Variants in RAPGEF5 observed in about 807,000 individuals in gnomAD.
The protein encoded by RAPGEF5 is M-Ras-regulated GEF.
RAPGEF5 carries 65 observed loss-of-function variants against 125.2 expected under a neutral mutation model. The ratio of observed to expected loss-of-function variants is 0.52; its 90% CI spans 0.43 to 0.64. RAPGEF5 has a LOEUF of 0.64. RAPGEF5 is among the 30% of genes least tolerant of loss of function. The pLI is 0.00. For missense variants in RAPGEF5, 958 were observed against 1,048.1 expected (o/e 0.91, Z 1.19); for synonymous variants, 391 against 385.9 (o/e 1.01, Z -0.16).
intron 7 of RAPGEF5, among the ~76,000 whole-genome samples, chr7:22,252,268 C>A (rs551085823): frequency 6.6e-6 from 1 of 152,290 alleles, no homozygotes; most frequent in East Asian, 1.9e-4. Context: ...GGCAACGTCA[C>A]CTTACTGGCA....
chr7:22,318,795 G>A (rs1017103075), intron 1 of RAPGEF5, among the ~76,000 whole-genome samples: 5 of 152,078 alleles, frequency 3.3e-5, no homozygotes, highest in African/African-American at 7.2e-5. Context: ...GCTGGGGTAC[G>A]CTCCTCTTTA....
At chr7:22,242,129 G>A (rs1313504434) in intron 7 of RAPGEF5, among the ~76,000 whole-genome samples, 1 of 152,214 alleles carries the variant, frequency 6.6e-6, no homozygotes, top group Non-Finnish European at 1.5e-5. Flanking sequence ...GCTGGGCTAG[G>A]TCTGAGAGGG....
At chr7:22,171,618 C>T (rs183289737) in intron 11 of RAPGEF5, among the ~76,000 whole-genome samples, 1 of 152,224 alleles carries the variant, frequency 6.6e-6, no homozygotes, top group East Asian at 1.9e-4. Flanking sequence ...CCGGCCTCAG[C>T]CTCCTGAGTA....
intron 11 of RAPGEF5, among the ~76,000 whole-genome samples, chr7:22,185,775 C>T (rs541597849): frequency 6.6e-6 from 1 of 152,176 alleles, no homozygotes; most frequent in Non-Finnish European, 1.5e-5. Context: ...CTGAGGCACA[C>T]CCAGGGCAGC....
chr7:22,199,478 T>C (rs1221010715), intron 9 of RAPGEF5, among the ~76,000 whole-genome samples: 2 of 140,336 alleles, frequency 1.4e-5, no homozygotes, highest in East Asian at 4.1e-4. Context: ...TAGACATGAA[T>C]TATAGACTTT....
Position 22,121,069 on chromosome 7 carries a change from G to A in RAPGEF5, c.*1337C>T, listed in dbSNP as rs1782566896. The A allele has an allele frequency of 1.3e-5, 2 of 152,128 alleles. No homozygotes were observed. Among genetic ancestry groups the A allele is most frequent in the Admixed American group, 6.5e-5 (1 of 15,270 alleles). The allele number at this position is 152,128 out of a possible 1,614,324, so 9.4% of individuals were successfully genotyped here. A position where few individuals can be genotyped will look rare whatever the true frequency, so the allele number is the denominator to read the frequency against. The stretch of plus-strand genomic sequence containing the variant: ...GGTGACAAGTATCTAGCAGGCAGGG[G>A]TGGATTTCATTATTTTGACCCATAG... On this transcript the variant is annotated 3_prime_UTR_variant, in exon 26 of 26. Transcript: ENST00000665637.
intron 6 of RAPGEF5, among the ~76,000 whole-genome samples, chr7:22,283,417 T>C (rs900982709): frequency 7.2e-5 from 11 of 152,242 alleles, no homozygotes; most frequent in Admixed American, 7.2e-4. Context: ...TAATTTTCAC[T>C]GTTTTATATG....
intron 23 of RAPGEF5, among the ~76,000 whole-genome samples, chr7:22,133,248 C>G (rs1339383819): frequency 6.6e-6 from 1 of 152,008 alleles, no homozygotes; most frequent in African/African-American, 2.4e-5. Context: ...AGGGTGCTGG[C>G]CAGGTGAGAG....
At position 22,118,316 on chromosome 7, in the gene RAPGEF5, A is replaced by G. The variant is rs1278125828; in HGVS notation, c.*4090T>C. ...AAGAGGCATGAATAGTGTCTTTAAC[A>G]TAGTCTCATATTTGGAAAAGCAGTT... On this transcript the variant is annotated 3_prime_UTR_variant, in exon 26 of 26. Transcript: ENST00000665637. 3.3e-5 allele frequency: 5 copies of G among 151,040 alleles called. No individual in the cohort carries two copies. The highest frequency in any genetic ancestry group is 2.1e-4 in the South Asian group (1 of 4,744). The allele number at this position is 151,040 out of a possible 1,614,324, so 9.4% of individuals were successfully genotyped here. A position where few individuals can be genotyped will look rare whatever the true frequency, so the allele number is the denominator to read the frequency against.
intron 6 of RAPGEF5, among the ~76,000 whole-genome samples, chr7:22,270,687 C>G (rs893490244): frequency 1.3e-5 from 2 of 152,216 alleles, no homozygotes; most frequent in African/African-American, 4.8e-5. Flanking sequence ...CCCTTCCCTA[C>G]TATAATCCTT....
chr7:22,133,947 A>G (rs1398320703), intron 23 of RAPGEF5, among the ~76,000 whole-genome samples: 1 of 152,222 alleles, frequency 6.6e-6, no homozygotes, highest in Non-Finnish European at 1.5e-5. Flanking sequence ...CTGACTTTCA[A>G]AAAATGCAAT....
intron 12 of RAPGEF5, among the ~76,000 whole-genome samples, chr7:22,163,333 G>A (rs749674883): frequency 2.0e-4 from 31 of 152,130 alleles, no homozygotes; most frequent in Admixed American, 1.0e-3. Flanking sequence ...TGCATTTAAC[G>A]GACTATTCAG....
At chr7:22,206,417 T>C (rs1361302573) in intron 9 of RAPGEF5, among the ~76,000 whole-genome samples, 1 of 152,146 alleles carries the variant, frequency 6.6e-6, no homozygotes, top group African/African-American at 2.4e-5. Flanking sequence ...AAAATCCAAG[T>C]GAGGCCAATC....
intron 6 of RAPGEF5, among the ~76,000 whole-genome samples, chr7:22,273,236 T>G (rs1411624448): frequency 1.0e-5 from 1 of 95,444 alleles, no homozygotes; most frequent in Non-Finnish European, 2.0e-5. Context: ...TTTTTTTTTT[T>G]GAGACAGAGT....
chr7:22,133,565 G>A (rs992689259), intron 23 of RAPGEF5, among the ~76,000 whole-genome samples: 3 of 152,104 alleles, frequency 2.0e-5, no homozygotes, highest in African/African-American at 7.2e-5. Flanking sequence ...TGGAAGAGGA[G>A]GAAGAAACAT....
chr7:22,141,327 G>A (rs1415787946), intron 20 of RAPGEF5, among the ~76,000 whole-genome samples: 1 of 152,148 alleles, frequency 6.6e-6, no homozygotes, highest in African/African-American at 2.4e-5. Context: ...AAGCTGTGAA[G>A]ACATTAAAGG....
intron 9 of RAPGEF5, among the ~76,000 whole-genome samples, chr7:22,210,179 A>C (rs536340209): frequency 1.3e-5 from 2 of 152,214 alleles, no homozygotes; most frequent in Non-Finnish European, 2.9e-5. Context: ...GGTGAAAAAT[A>C]ATGCATCATC....
chr7:22,123,110 A>G (rs1442587075), intron 25 of RAPGEF5, among the ~76,000 whole-genome samples: 1 of 152,226 alleles, frequency 6.6e-6, no homozygotes, highest in Non-Finnish European at 1.5e-5. Context: ...AGATGTGGTT[A>G]ACAGACGAAA....
chr7:22,306,511 G>A (rs1783345467), intron 5 of RAPGEF5, among the ~76,000 whole-genome samples: 1 of 152,130 alleles, frequency 6.6e-6, no homozygotes, highest in Non-Finnish European at 1.5e-5. Context: ...CTCCCATTCT[G>A]TGGGTTGTCT....
Sources: gnomAD v4.1 joint callset for allele counts (sites outside exome capture counted in the v4.1 genomes callset) on GRCh38, gnomAD v4.1.1 for gene constraint, MANE v1.5 for transcripts, NCBI Gene and HGNC (gene_info 2026-07-23, HGNC 2026-07-21) for gene names.